KPNA5: variants seen among roughly 807,000 people sequenced by gnomAD.
KPNA5 encodes karyopherin subunit alpha 5.
A neutral mutation model predicts 71.3 loss-of-function variants in KPNA5; 46 were observed. The observed-to-expected ratio is 0.65, with a 90% confidence interval of 0.51 to 0.83. The LOEUF (loss-of-function observed/expected upper bound fraction) is 0.83. Among genes scored for constraint, KPNA5 ranks in the 40% least tolerant of loss-of-function variants. The pLI is 0.00. For synonymous variants in KPNA5, 207 were observed against 201.4 expected, an observed-to-expected ratio of 1.03 and a Z score of -0.24; for missense variants, 547 against 628.3, an observed-to-expected ratio of 0.87 and a Z score of 1.38.
At chr6:116,726,344 G>T in intron 11 of KPNA5, 151 bp from the exon 12 acceptor site, 1 of 609,554 alleles carries the variant, frequency 1.6e-6, no homozygotes. Flanking sequence ...TATTTGAAAA[G>T]TTTGCTGACA....
chr6:116,707,867 A>AT (rs534793209), intron 7 of KPNA5, among the ~76,000 whole-genome samples: 319 of 152,260 alleles, frequency 2.1e-3, no homozygotes, highest in African/African-American at 7.5e-3. Context: ...TAGTTCCAGA[A>AT]TTTTTTTACC....
At chr6:116,710,333 T>A (rs1778611319) in intron 7 of KPNA5, among the ~76,000 whole-genome samples, 1 of 152,100 alleles carries the variant, frequency 6.6e-6, no homozygotes, top group Non-Finnish European at 1.5e-5. Context: ...GATGTCTTTG[T>A]CTTTGGTATC....
In KPNA5 at chr6:116,715,640, G is replaced by A. The variant is rs960189356; in HGVS notation, c.657-579G>A. Among the ~76,000 whole-genome samples, 9 of 152,038 alleles carry A rather than the reference G, an allele frequency of 5.9e-5. No homozygotes were observed. The East Asian group carries it at 1.5e-3, about 26-fold the overall frequency. On this transcript the variant is annotated intron_variant, in intron 7 of 13. Transcript: ENST00000368564. ...CATGATTAAAGAAATTAATCTGGCC[G>A]GGAGTGGTGGTTCACGCCTGTAATC...
At chr6:116,727,722 A>T (rs1436761778) in intron 12 of KPNA5, among the ~76,000 whole-genome samples, 7 of 152,076 alleles carry the variant, frequency 4.6e-5, no homozygotes, top group Admixed American at 3.9e-4. Context: ...GATAATTAAG[A>T]ATAGCTACTG....
intron 12 of KPNA5, among the ~76,000 whole-genome samples, chr6:116,726,909 A>T (rs554199417): frequency 6.6e-6 from 1 of 152,220 alleles, no homozygotes; most frequent in South Asian, 2.1e-4. Context: ...CATGGGCATT[A>T]AATATTTTTT....
Position 116,740,856 on chromosome 6 carries a change from A to T in KPNA5, c.*8533A>T, listed in dbSNP as rs1317611821. The T allele has an allele frequency of 1.8e-5, 1 of 55,412 alleles. No homozygotes were observed. 3.4% of individuals were successfully genotyped at this position (55,412 alleles called of 1,614,324 possible). ...CTGGGGACTGTTGTGGGGTTGGGGG[A>T]GGGGGGAGGGATAGCTTTAGGAGAT... On this transcript the variant is annotated 3_prime_UTR_variant, in exon 14 of 14. Coordinates refer to ENST00000368564, the MANE Select transcript of KPNA5 (RefSeq NM_001366306.2).
chr6:116,697,828 A>T (rs574077211), intron 4 of KPNA5, among the ~76,000 whole-genome samples: 1 of 152,010 alleles, frequency 6.6e-6, no homozygotes, highest in Non-Finnish European at 1.5e-5. Context: ...ATTTTGAAAG[A>T]AGTGTGAAAA....
In KPNA5 at chr6:116,732,074, TTATATATATATATATATATATATA is replaced by T. The variant is rs2243369; in HGVS notation, c.1433-37_1433-14del. ...TACTGAAATTGTAGTAACAGTTTGT[TTATATATATATATATATATATATA>T]TATATATATATATATATATATATAC... On this transcript the variant is annotated intron_variant, in intron 13 of 13. Coordinates refer to ENST00000368564, the MANE Select transcript of KPNA5 (RefSeq NM_001366306.2). 352 of 67,726 alleles carry T rather than the reference TTATATATATATATATATATATATA, an allele frequency of 5.2e-3. 19 individuals are homozygous for T. Among genetic ancestry groups the T allele is most frequent in the East Asian group, 0.022 (54 of 2,476 alleles). 4.2% of individuals were successfully genotyped at this position (67,726 alleles called of 1,614,324 possible).
rs1352998774 is a variant in KPNA5, at chr6:116,740,732, G to A, written c.*8409G>A. On this transcript the variant is annotated 3_prime_UTR_variant, in exon 14 of 14. Transcript: ENST00000368564. ...AATTGGAAATCATCCTTCTCAGTAA[G>A]CTATCGCAAGAACAAAAAACCAAAT... is the stretch of plus-strand genomic sequence containing the variant. The A allele has an allele frequency of 3.3e-5, 5 of 151,606 alleles. No homozygotes were observed. Among genetic ancestry groups the A allele is most frequent in the Admixed American group, 6.6e-5 (1 of 15,140 alleles). 9.4% of individuals were successfully genotyped at this position (151,606 alleles called of 1,614,324 possible).
At chr6:116,700,436 C>G (rs981358986) in intron 5 of KPNA5, among the ~76,000 whole-genome samples, 1 of 151,996 alleles carries the variant, frequency 6.6e-6, no homozygotes, top group Non-Finnish European at 1.5e-5. Flanking sequence ...CACCACTGCA[C>G]TCCAGCCTGG....
At chr6:116,696,625 A>G (rs1224593803) in intron 4 of KPNA5, among the ~76,000 whole-genome samples, 1 of 151,910 alleles carries the variant, frequency 6.6e-6, no homozygotes, top group Non-Finnish European at 1.5e-5. Context: ...CTTTTCTTCA[A>G]TCCCAGTTTT....
At chr6:116,728,743 A>G (rs780663757) in intron 12 of KPNA5, among the ~76,000 whole-genome samples, 9 of 152,002 alleles carry the variant, frequency 5.9e-5, no homozygotes, top group Non-Finnish European at 1.3e-4. Context: ...CCCATTTTTA[A>G]GATGGGGAAA....
chr6:116,730,307 G>A (rs897109787), intron 13 of KPNA5, among the ~76,000 whole-genome samples: 5 of 151,588 alleles, frequency 3.3e-5, no homozygotes, highest in African/African-American at 7.3e-5. Context: ...GACTGGTCTC[G>A]AGCTCCTGGC....
At chr6:116,726,438 A>G in intron 11 of KPNA5, 57 bp from the exon 12 acceptor site, 1 of 1,389,310 alleles carries the variant, frequency 7.2e-7, no homozygotes, top group East Asian at 2.7e-5. Context: ...GATTTTTTTT[A>G]CTGGTAATAT....
intron 1 of KPNA5, among the ~76,000 whole-genome samples, chr6:116,684,965 A>G (rs1250869226): frequency 6.6e-6 from 1 of 152,216 alleles, no homozygotes; most frequent in Non-Finnish European, 1.5e-5. Flanking sequence ...CTTTGGAAAG[A>G]AGTTTGGCAG....
At chr6:116,698,847 A>G (rs1292996329) in intron 5 of KPNA5, 49 bp downstream of exon 5, 1 of 1,116,584 alleles carries the variant, frequency 9.0e-7, no homozygotes, top group Non-Finnish European at 1.3e-6. Flanking sequence ...ATGACATGTT[A>G]AAGTTTCTAG....
intron 5 of KPNA5, among the ~76,000 whole-genome samples, chr6:116,700,076 G>T (rs1038377026): frequency 6.6e-6 from 1 of 152,168 alleles, no homozygotes; most frequent in African/African-American, 2.4e-5. Context: ...CTTCACAAAG[G>T]TAGTGTTGCA....
intron 13 of KPNA5, among the ~76,000 whole-genome samples, chr6:116,730,660 T>C (rs1443759018): frequency 2.0e-5 from 3 of 152,202 alleles, no homozygotes; most frequent in Admixed American, 6.5e-5. Context: ...GTCACTGGCA[T>C]TGTATGAATC....
intron 4 of KPNA5, among the ~76,000 whole-genome samples, chr6:116,698,199 T>G (rs1447881038): frequency 6.6e-6 from 1 of 152,028 alleles, no homozygotes; most frequent in Non-Finnish European, 1.5e-5. Flanking sequence ...AAAAGCTGTC[T>G]GCATTTCATG....
Sources: gnomAD v4.1 joint callset for allele counts (sites outside exome capture counted in the v4.1 genomes callset) on GRCh38, gnomAD v4.1.1 for gene constraint, MANE v1.5 for transcripts, NCBI Gene and HGNC (gene_info 2026-07-23, HGNC 2026-07-21) for gene names.